MIPEP: variants seen among roughly 807,000 people sequenced by gnomAD.
MIPEP encodes the protein mitochondrial intermediate peptidase.
Under a neutral mutation model 90.3 loss-of-function variants are expected in MIPEP, and 79 were observed. The observed-to-expected ratio is 0.87, with a 90% CI of 0.73 to 1.05. The LOEUF (loss-of-function observed/expected upper bound fraction) is 1.05, where lower values mean the gene tolerates loss of function less well. Ranked by LOEUF, MIPEP falls within the 50% of genes least tolerant of loss-of-function variation. The pLI is 0.00. For missense variants in MIPEP, 940 were observed against 905.6 expected, an observed-to-expected ratio of 1.04 and a Z score of -0.49; for synonymous variants, 334 against 315.8, an observed-to-expected ratio of 1.06 and a Z score of -0.61.
intron 9 of MIPEP, among the ~76,000 whole-genome samples, chr13:23,860,501 A>G (rs1023777318): frequency 6.6e-6 from 1 of 152,234 alleles, no homozygotes; most frequent in Non-Finnish European, 1.5e-5. Context: ...GAGGGGCAGC[A>G]GAAGATGAAG....
intron 16 of MIPEP, among the ~76,000 whole-genome samples, chr13:23,789,173 C>A (rs894611627): frequency 6.8e-6 from 1 of 146,296 alleles, no homozygotes; most frequent in Non-Finnish European, 1.5e-5. Context: ...GCTCTTTATG[C>A]AGCAAAACGT....
Position 23,780,549 on chromosome 13 carries a change from C to A in MIPEP, c.1849-20332G>T, listed in dbSNP as rs191336423. Among the ~76,000 whole-genome samples the A allele has an allele frequency of 2.1e-3, 327 of 152,346 alleles. 2 individuals are homozygous for A. The highest frequency in any genetic ancestry group is 7.1e-3 in the African/African-American group (294 of 41,562). On this transcript the variant is annotated intron_variant, in intron 16 of 18. Transcript: ENST00000382172. ...GAAAATTCTAAAAATCAGAGCGCCT[C>A]TCCCCCTCCAAAGGAACACAGCTCC...
Position 23,756,632 on chromosome 13 carries a change from G to A in MIPEP, c.1971-14C>T. On this transcript the variant is annotated splice_polypyrimidine_tract_variant and intron_variant, in intron 17 of 18. Transcript: ENST00000382172. ...TCCCCGGCAGCCCTGGGGAAGAGAG[G>A]TTCTGTTACAGACTCCTGCTTGCAC... is the stretch of plus-strand genomic sequence containing the variant. 6.2e-7 allele frequency: 1 copy of A among 1,611,040 alleles called. No homozygotes were observed. Among genetic ancestry groups the A allele is most frequent in the South Asian group, 1.1e-5 (1 of 91,066 alleles).
At chr13:23,861,482 C>G (rs1352334835) in intron 9 of MIPEP, among the ~76,000 whole-genome samples, 3 of 152,272 alleles carry the variant, frequency 2.0e-5, no homozygotes, top group African/African-American at 7.2e-5. Context: ...TGACATGCTA[C>G]TCTACACATC....
intron 15 of MIPEP, among the ~76,000 whole-genome samples, chr13:23,808,243 C>A (rs1004345584): frequency 1.3e-5 from 2 of 151,636 alleles, no homozygotes. Context: ...GGACTATAGG[C>A]GCCTGCCACC....
chr13:23,814,955 G>A (rs1953216826), intron 14 of MIPEP, among the ~76,000 whole-genome samples: 1 of 152,120 alleles, frequency 6.6e-6, no homozygotes, highest in Non-Finnish European at 1.5e-5. Context: ...ATGGATGTTG[G>A]GCAACTTACT....
intron 1 of MIPEP, among the ~76,000 whole-genome samples, chr13:23,887,185 C>T (rs1224017645): frequency 7.9e-5 from 12 of 152,248 alleles, no homozygotes; most frequent in Admixed American, 5.2e-4. Context: ...AAATTTTATA[C>T]GTTACAAAGA....
intron 14 of MIPEP, among the ~76,000 whole-genome samples, chr13:23,825,569 A>T (rs1204028597): frequency 6.6e-6 from 1 of 152,250 alleles, no homozygotes; most frequent in African/African-American, 2.4e-5. Flanking sequence ...ACATTGTCAG[A>T]AGTTTAGGCG....
chr13:23,889,197 GA>G lies in MIPEP; in HGVS notation c.123del (p.Val43TrpfsTer29). 6.8e-7 allele frequency: 1 copy of G among 1,465,822 alleles called. No homozygotes were observed. The highest frequency in any genetic ancestry group is 9.0e-7 in the Non-Finnish European group (1 of 1,110,528). 90.8% of individuals were successfully genotyped at this position (1,465,822 alleles called of 1,614,324 possible). A position where few individuals can be genotyped will look rare whatever the true frequency, so the allele number is the denominator to read the frequency against. On this transcript the variant is annotated frameshift_variant, in exon 1 of 19. Transcript: ENST00000382172. LOFTEE classifies it high-confidence loss of function. ...IRARRVSTSW[S>X]PVGAAFNVKP... The stretch of plus-strand genomic sequence containing the variant: ...TTGACATTGAAGGCGGCGCCCACGG[GA>G]GACCAGCTGGTGCTGACCCTTCGGG...
intron 17 of MIPEP, among the ~76,000 whole-genome samples, chr13:23,757,644 G>C (rs757311136): frequency 1.3e-5 from 2 of 152,152 alleles, no homozygotes; most frequent in Non-Finnish European, 2.9e-5. Flanking sequence ...ACAGTTAACG[G>C]ATCAGCAAAC....
intron 16 of MIPEP, among the ~76,000 whole-genome samples, chr13:23,787,383 CA>C (rs1416082070): frequency 2.8e-5 from 4 of 141,166 alleles, no homozygotes; most frequent in Admixed American, 7.5e-5. Context: ...GGAGAGAGAG[CA>C]AGAGCAAGAG....
chr13:23,792,012 T>A (rs934388286), intron 16 of MIPEP, among the ~76,000 whole-genome samples: 5 of 152,240 alleles, frequency 3.3e-5, no homozygotes, highest in African/African-American at 1.2e-4. Flanking sequence ...TTGAAACATT[T>A]TCTTCAGTTG....
intron 18 of MIPEP, among the ~76,000 whole-genome samples, chr13:23,741,427 C>T (rs1436613200): frequency 6.6e-6 from 1 of 152,108 alleles, no homozygotes; most frequent in Non-Finnish European, 1.5e-5. Flanking sequence ...AACCTAAATG[C>T]CCATCAATGA....
chr13:23,870,016 G>A lies in MIPEP; in HGVS notation c.783C>T (p.Asp261=). 1 of 1,588,100 alleles carries A rather than the reference G, an allele frequency of 6.3e-7. No individual in the cohort carries two copies. The highest frequency in any genetic ancestry group is 8.6e-7 in the Non-Finnish European group (1 of 1,166,306). The change falls in exon 6 of 19, where the codon GAC becomes GAT. Residue 261 remains aspartate (D), a synonymous_variant. Coordinates refer to ENST00000382172, the MANE Select transcript of MIPEP (RefSeq NM_005932.4). ...AAAGAGAATGAAACATACATACCAA[G>A]TCATCTGGTGATTCTGCGTGGAGAC... ...IDGLHAESPD[D]LVREAAYKIF...
intron 4 of MIPEP, 31 bp downstream of exon 4, chr13:23,879,237 T>A (rs370770138): frequency 6.2e-5 from 84 of 1,356,584 alleles, no homozygotes; most frequent in Non-Finnish European, 8.2e-5. Context: ...AGAGTCACAG[T>A]CACAATCAAG....
intron 10 of MIPEP, among the ~76,000 whole-genome samples, chr13:23,842,089 G>T (rs1869321760): frequency 6.6e-6 from 1 of 152,086 alleles, no homozygotes; most frequent in African/African-American, 2.4e-5. Context: ...AACTTTTTCT[G>T]TTCTATATAT....
intron 18 of MIPEP, among the ~76,000 whole-genome samples, chr13:23,742,230 G>A (rs939820700): frequency 2.6e-5 from 4 of 152,106 alleles, no homozygotes; most frequent in Admixed American, 6.6e-5. Flanking sequence ...TGCCAAGAAA[G>A]AATAGAGAGA....
At chr13:23,799,841 T>C (rs1039636788) in intron 16 of MIPEP, among the ~76,000 whole-genome samples, 3 of 152,236 alleles carry the variant, frequency 2.0e-5, no homozygotes, top group African/African-American at 7.2e-5. Context: ...ACTTTTTCAT[T>C]CTAGCTTTGA....
intron 14 of MIPEP, among the ~76,000 whole-genome samples, chr13:23,834,266 C>T (rs1019972493): frequency 2.0e-5 from 3 of 152,168 alleles, no homozygotes; most frequent in Admixed American, 1.3e-4. Context: ...ATTTGATTCC[C>T]GCCTGAAAGC....
Sources: allele counts gnomAD v4.1 joint callset (sites outside exome capture counted in the v4.1 genomes callset), GRCh38; gene constraint gnomAD v4.1.1; transcripts MANE v1.5; gene names NCBI Gene and HGNC (gene_info 2026-07-23, HGNC 2026-07-21).